FOXP2: variants seen among roughly 807,000 people sequenced by gnomAD.
The protein encoded by FOXP2 is forkhead box protein P2.
In FOXP2, 12 loss-of-function variants were observed where a neutral mutation model predicts 115.8. That is an observed-to-expected ratio of 0.10 (90% CI 0.07 to 0.17). The LOEUF (loss-of-function observed/expected upper bound fraction) is 0.17. Among genes scored for constraint, FOXP2 ranks in the 10% least tolerant of loss-of-function variants. The pLI, the probability that FOXP2 is intolerant of heterozygous loss-of-function variation, is 1.00. For missense variants in FOXP2, 629 were observed against 843.5 expected (o/e 0.75, Z 3.15); for synonymous variants, 328 against 297.7 (o/e 1.10, Z -1.05).
intron 1 of FOXP2, among the ~76,000 whole-genome samples, chr7:114,419,405 A>G (rs1354793804): frequency 6.6e-6 from 1 of 151,922 alleles, no homozygotes; most frequent in Non-Finnish European, 1.5e-5. Flanking sequence ...AGTTTAAAAT[A>G]GTTACATGTT....
intron 2 of FOXP2, among the ~76,000 whole-genome samples, chr7:114,435,761 G>T (rs1438537227): frequency 6.6e-6 from 1 of 152,008 alleles, no homozygotes; most frequent in Non-Finnish European, 1.5e-5. Flanking sequence ...CTTGTCTCGA[G>T]CTCCTGACCT....
At chr7:114,141,789 T>C (rs985645766) in intron 1 of FOXP2, among the ~76,000 whole-genome samples, 4 of 152,178 alleles carry the variant, frequency 2.6e-5, no homozygotes, top group African/African-American at 4.8e-5. Flanking sequence ...GCATGGCACA[T>C]CCCTACTTAG....
intron 3 of FOXP2, among the ~76,000 whole-genome samples, chr7:114,544,740 T>G (rs901950341): frequency 2.6e-5 from 4 of 152,172 alleles, no homozygotes; most frequent in Non-Finnish European, 5.9e-5. Context: ...ACAAAATTAT[T>G]CTCTCTACAT....
At chr7:114,175,555 C>A (rs1047204361) in intron 1 of FOXP2, among the ~76,000 whole-genome samples, 2 of 152,104 alleles carry the variant, frequency 1.3e-5, no homozygotes, top group South Asian at 4.1e-4. Flanking sequence ...TATTGTATAA[C>A]CTAAAAGCTC....
intron 1 of FOXP2, among the ~76,000 whole-genome samples, chr7:114,166,893 A>G (rs1318950987): frequency 6.6e-6 from 1 of 152,212 alleles, no homozygotes; most frequent in African/African-American, 2.4e-5. Context: ...ACTTATTAGA[A>G]TGGCAAAAAT....
chr7:114,100,160 T>A (rs1053610957), intron 1 of FOXP2, among the ~76,000 whole-genome samples: 15 of 152,216 alleles, frequency 9.9e-5, no homozygotes, highest in African/African-American at 3.6e-4. Context: ...TCAACCATTA[T>A]TTTTAGCTCT....
At chr7:114,324,469 G>A (rs971888711) in intron 2 of FOXP2, among the ~76,000 whole-genome samples, 3 of 151,588 alleles carry the variant, frequency 2.0e-5, no homozygotes, top group Admixed American at 6.6e-5. Context: ...ATTTTGTCAG[G>A]CCTCTCTCTT....
chr7:114,104,088 T>C (rs1181124800), intron 1 of FOXP2, among the ~76,000 whole-genome samples: 2 of 151,974 alleles, frequency 1.3e-5, no homozygotes, highest in African/African-American at 4.8e-5. Flanking sequence ...GTGGTTGCCA[T>C]TGTGCTGAAT....
upstream of FOXP2, among the ~76,000 whole-genome samples, chr7:114,410,352 T>C (rs1341597042): frequency 6.6e-6 from 1 of 152,040 alleles, no homozygotes; most frequent in African/African-American, 2.4e-5. Context: ...AAATAAAGTT[T>C]ATTAGGGAAA....
intron 2 of FOXP2, among the ~76,000 whole-genome samples, chr7:114,505,605 C>G (rs1425183309): frequency 6.7e-6 from 1 of 149,642 alleles, no homozygotes; most frequent in African/African-American, 2.4e-5. Flanking sequence ...TTTGTGCTGT[C>G]TAATTGATTT....
At chr7:114,618,799 A>G (rs1462525655) in intron 3 of FOXP2, among the ~76,000 whole-genome samples, 1 of 152,154 alleles carries the variant, frequency 6.6e-6, no homozygotes, top group Non-Finnish European at 1.5e-5. Context: ...AGATAGGATA[A>G]TATGTCTTAG....
At chr7:114,120,627 A>T (rs1791534637) in intron 1 of FOXP2, among the ~76,000 whole-genome samples, 1 of 151,520 alleles carries the variant, frequency 6.6e-6, no homozygotes, top group Admixed American at 6.6e-5. Flanking sequence ...AACATTCTGT[A>T]CTCACTATGG....
chr7:114,156,227 T>C (rs1792665840), intron 1 of FOXP2, among the ~76,000 whole-genome samples: 1 of 152,140 alleles, frequency 6.6e-6, no homozygotes, highest in Admixed American at 6.6e-5. Flanking sequence ...ACCAGTTATT[T>C]TTTTACAGAG....
At chr7:114,651,894 T>TA (rs953892058) in intron 8 of FOXP2, among the ~76,000 whole-genome samples, 31 of 152,270 alleles carry the variant, frequency 2.0e-4, no homozygotes, top group African/African-American at 6.3e-4. Context: ...CTGTTCTTTT[T>TA]AAAAAAATGG....
At chr7:114,224,388 A>G (rs1794699074) in intron 1 of FOXP2, among the ~76,000 whole-genome samples, 2 of 152,146 alleles carry the variant, frequency 1.3e-5, no homozygotes, top group Admixed American at 1.3e-4. Context: ...CTTCCTATTA[A>G]TGAACACTTT....
chr7:114,168,239 T>G (rs1344639935), intron 1 of FOXP2, among the ~76,000 whole-genome samples: 1 of 152,156 alleles, frequency 6.6e-6, no homozygotes, highest in Non-Finnish European at 1.5e-5. Flanking sequence ...AGGCAGAGGT[T>G]GGAACAGTTT....
At chr7:114,351,753 T>A (rs1000368818) in intron 2 of FOXP2, among the ~76,000 whole-genome samples, 2 of 152,142 alleles carry the variant, frequency 1.3e-5, no homozygotes, top group South Asian at 2.1e-4. Flanking sequence ...GTTTTAAATA[T>A]CTTTTCCTTC....
At chr7:114,427,576 G>GT (rs1479299245) in intron 2 of FOXP2, among the ~76,000 whole-genome samples, 3 of 151,396 alleles carry the variant, frequency 2.0e-5, no homozygotes, top group Non-Finnish European at 4.4e-5. Flanking sequence ...TTATTTCTTT[G>GT]TAACTCTGAA....
intron 1 of FOXP2, among the ~76,000 whole-genome samples, chr7:114,202,561 T>C (rs1292199470): frequency 6.6e-6 from 1 of 152,150 alleles, no homozygotes. Flanking sequence ...CCTTAGCATG[T>C]TTTTATTTTT....
Sources: allele counts gnomAD v4.1 joint callset (sites outside exome capture counted in the v4.1 genomes callset), GRCh38; gene constraint gnomAD v4.1.1; transcripts MANE v1.5; gene names NCBI Gene and HGNC (gene_info 2026-07-23, HGNC 2026-07-21).